MAPK8IP2: variants seen among roughly 807,000 people sequenced by gnomAD.
MAPK8IP2 encodes C-Jun-amino-terminal kinase-interacting protein 2.
Under a neutral mutation model 75.6 loss-of-function variants are expected in MAPK8IP2, and 15 were observed. The observed-to-expected ratio is 0.20, with a 90% confidence interval of 0.13 to 0.31. The LOEUF is 0.31. Ranked by LOEUF, MAPK8IP2 falls within the 10% of genes least tolerant of loss-of-function variation. The pLI is 1.00. For missense variants in MAPK8IP2, 1,089 were observed against 1,211.2 expected, an observed-to-expected ratio of 0.90 and a Z score of 1.50; for synonymous variants, 632 against 554.5, an observed-to-expected ratio of 1.14 and a Z score of -1.96.
chr22:50,604,767 G>GGGGGCA lies in MAPK8IP2; in HGVS notation c.1475_1480dup (p.Arg492_Gly493dup), dbSNP rs2071014794. 6 of 1,543,890 alleles carry GGGGGCA rather than the reference G, an allele frequency of 3.9e-6. No homozygotes were observed. Among genetic ancestry groups the GGGGGCA allele is most frequent in the Non-Finnish European group, 5.2e-6 (6 of 1,145,358 alleles). On this transcript the variant is annotated inframe_insertion, in exon 5 of 12. Transcript: ENST00000329492. Reference sequence around the variant, plus strand: ...TGCCGAGGACAGTGCGGGGTCCCCCGGGGGCAGGGGCACGGGCCCCTCGGC... The same window carrying GGGGGCA: ...TGCCGAGGACAGTGCGGGGTCCCCCGGGGGCAGGGGCAGGGGCACGGGCCCCTCGGC...
intron 9 of MAPK8IP2, 68 bp downstream of exon 9, chr22:50,606,833 C>A: frequency 1.3e-6 from 2 of 1,593,778 alleles, no homozygotes; most frequent in South Asian, 1.1e-5. Flanking sequence ...CCGACGGGGC[C>A]AGGCTGGCAG....
rs1276161141 is a variant in MAPK8IP2, at chr22:50,603,737, C to G, written c.541+18C>G. ...CCTCAGAGGTGAGGGGTGGTGGGCC[C>G]GCGGGGCGCGGGGAAGCGGGGGAGG... On this transcript the variant is annotated intron_variant, in intron 4 of 11. Transcript: ENST00000329492. The G allele has an allele frequency of 1.3e-6, 2 of 1,552,800 alleles. No individual in the cohort carries two copies. The highest frequency in any genetic ancestry group is 4.9e-5 in the East Asian group (2 of 41,150).
intron 10 of MAPK8IP2, among the ~76,000 whole-genome samples, chr22:50,608,816 G>C (rs2071096690): frequency 6.7e-6 from 1 of 148,334 alleles, no homozygotes; most frequent in Non-Finnish European, 1.5e-5. Context: ...GGGTCACTGG[G>C]ACAGCGGACG....
chr22:50,606,646 C>G lies in MAPK8IP2; in HGVS notation c.2125-12C>G, dbSNP rs757793182. ...TCCTCAAGACCCTCTTCTCCCCCAA[C>G]TTCTTCTGTAGATTGCCACTGCCCG... is the stretch of plus-strand genomic sequence containing the variant. On this transcript the variant is annotated splice_polypyrimidine_tract_variant and intron_variant, in intron 8 of 11. Transcript: ENST00000329492. The G allele has an allele frequency of 6.3e-7, 1 of 1,577,724 alleles. No individual in the cohort carries two copies.
rs1307956313 is a variant in MAPK8IP2, at chr22:50,604,677, G to C, written c.1378G>C (p.Gly460Arg). The C allele has an allele frequency of 3.9e-6, 6 of 1,523,536 alleles. No homozygotes were observed. The African/African-American group carries it at 8.4e-5, about 21-fold the overall frequency. The allele number at this position is 1,523,536 out of a possible 1,614,324, so 94.4% of individuals were successfully genotyped here. ...WAAPGRAARP[G>R]RACSAACSEE... The stretch of plus-strand genomic sequence containing the variant: ...CGCGCCCGGCCGCGCCGCCCGCCCG[G>C]GACGAGCCTGCTCCGCCGCCTGCTC... Residue 460 changes from glycine (G) to arginine (R), a missense_variant, in exon 5 of 12, where the codon GGA becomes CGA. Transcript: ENST00000329492.
rs986592572 is a variant in MAPK8IP2, at chr22:50,610,983, C to T, written c.*204C>T. On this transcript the variant is annotated 3_prime_UTR_variant, in exon 12 of 12. Transcript: ENST00000329492. The surrounding 1 kb of genome is among the most constrained non-coding windows in gnomAD (Gnocchi z 4.3). ...CTGCGGGGGAGTGGAGCCCCCGTGC[C>T]CCTGCTTTTCCTCAGATCCGTTCTT... 24 of 550,328 alleles carry T rather than the reference C, an allele frequency of 4.4e-5. No individual in the cohort carries two copies. The African/African-American group carries it at 4.4e-4, about 10-fold the overall frequency. The allele number at this position is 550,328 out of a possible 1,614,324, so 34.1% of individuals were successfully genotyped here.
chr22:50,605,189 C>T (rs41282363), intron 5 of MAPK8IP2, 125 bp downstream of exon 5: 52,198 of 1,207,080 alleles, frequency 0.043, 1,513 homozygotes, highest in African/African-American at 0.11. Context: ...GGGCTGGGTG[C>T]CCTCTCCCAC....
At chr22:50,602,603 C>G (rs528295283) in intron 2 of MAPK8IP2, among the ~76,000 whole-genome samples, 1 of 152,296 alleles carries the variant, frequency 6.6e-6, no homozygotes, top group South Asian at 2.1e-4. Context: ...GAAATGTCAA[C>G]CATGCCCTGA....
At chr22:50,606,857 G>T in intron 9 of MAPK8IP2, 64 bp from the exon 10 acceptor site, 2 of 1,592,264 alleles carry the variant, frequency 1.3e-6, no homozygotes, top group Admixed American at 1.7e-5. Context: ...TGTCCAGTAG[G>T]TGGGAGGCAG....
chr22:50,603,749 G>C, intron 4 of MAPK8IP2, 30 bp downstream of exon 4: 1 of 1,521,190 alleles, frequency 6.6e-7, no homozygotes, highest in Non-Finnish European at 8.9e-7. Context: ...CGGGGCGCGG[G>C]GAAGCGGGGG....
rs131734 is a variant in MAPK8IP2, at chr22:50,607,388, A to G, written c.2303+397A>G. On this transcript the variant is annotated intron_variant, in intron 10 of 11. Coordinates refer to ENST00000329492, the MANE Select transcript of MAPK8IP2 (RefSeq NM_012324.6). The surrounding 1 kb of genome is among the most constrained non-coding windows in gnomAD (Gnocchi z 5.6). Reference sequence around the variant, plus strand: ...GTGGGATGCACTGGTCGGGGGCTATATAGGCTCTGGGGCCCGCGTGTAAGG... The same window carrying G: ...GTGGGATGCACTGGTCGGGGGCTATGTAGGCTCTGGGGCCCGCGTGTAAGG... Among the ~76,000 whole-genome samples the G allele has an allele frequency of 0.31, 47,544 of 151,878 alleles. 7,807 individuals are homozygous for G. Among genetic ancestry groups the G allele is most frequent in the Non-Finnish European group, 0.37 (24,856 of 67,914 alleles).
rs202203236 is a variant in MAPK8IP2 at position 50,605,637 on chromosome 22, C to T, written c.1917C>T (p.Asp639=). 6.9e-4 allele frequency: 1,108 copies of T among 1,612,172 alleles called. No homozygotes were observed. Among genetic ancestry groups the T allele is most frequent in the Admixed American group, 9.9e-4 (59 of 59,812 alleles). The stretch of plus-strand genomic sequence containing the variant: ...TGTTGGTGGAGGCCGAGGAGGACGA[C>T]TTCTGGTTCCGTGGCTTCAACATGC... ...DPVLVEAEED[D]FWFRGFNMRT... is the part of the protein sequence containing the mutation. The change falls in exon 7 of 12, where the codon GAC becomes GAT. Residue 639 remains aspartate, a synonymous_variant. Transcript: ENST00000329492.
At position 50,605,437 on chromosome 22, in the gene MAPK8IP2, T is replaced by C. The variant is rs745692774; in HGVS notation, c.1835T>C (p.Val612Ala). The part of the protein sequence containing the change: ...GEEREQTHRA[V>A]FRFIPRHPDE... Reference sequence around the variant, plus strand: ...GAGCGAGAGCAGACTCACCGGGCTGTGTTCAGGTACGGCCTCCCTCCTTGC... The same window carrying C: ...GAGCGAGAGCAGACTCACCGGGCTGCGTTCAGGTACGGCCTCCCTCCTTGC... The change falls in exon 6 of 12, where the codon GTG becomes GCG. Residue 612 changes from valine (V) to alanine (A), a missense_variant. By Grantham distance (64) the Val-to-Ala change is moderately conservative (BLOSUM62 0). Around this residue, in one of 2 missense-constraint regions of MAPK8IP2, gnomAD observed 960 missense variants for 1,009.6 expected, o/e 0.95. Coordinates refer to ENST00000329492, the MANE Select transcript of MAPK8IP2 (RefSeq NM_012324.6). 4.3e-6 allele frequency: 7 copies of C among 1,613,586 alleles called. No homozygotes were observed. The highest frequency in any genetic ancestry group is 1.3e-5 in the African/African-American group (1 of 75,038).
Position 50,612,601 on chromosome 22 carries a change from G to C in MAPK8IP2, c.*1822G>C, listed in dbSNP as rs533088548. 2 of 152,366 alleles carry C rather than the reference G, an allele frequency of 1.3e-5. No individual in the cohort carries two copies. The highest frequency in any genetic ancestry group is 2.9e-5 in the Non-Finnish European group (2 of 68,080). 9.4% of individuals were successfully genotyped at this position (152,366 alleles called of 1,614,324 possible). On this transcript the variant is annotated 3_prime_UTR_variant, in exon 12 of 12. Transcript: ENST00000329492. ...ACAGACCTGAGGCCCCAGAGAGACC[G>C]AGGACGCAGACCAGTGGCACGACGG...
intron 10 of MAPK8IP2, among the ~76,000 whole-genome samples, chr22:50,608,106 G>A (rs528088359): frequency 2.6e-5 from 4 of 152,346 alleles, no homozygotes; most frequent in South Asian, 2.1e-4. Context: ...TGGGACAGAC[G>A]TCAGTGCATC....
rs1011925670 is a variant in MAPK8IP2, at chr22:50,603,688, G to T, written c.510G>T (p.Ala170=). 2 of 1,584,408 alleles carry T rather than the reference G, an allele frequency of 1.3e-6. No individual in the cohort carries two copies. The highest frequency in any genetic ancestry group is 2.7e-5 in the African/African-American group (2 of 74,236). Residue 170 remains alanine, a synonymous_variant, in exon 4 of 12, where the codon GCG becomes GCT. Transcript: ENST00000329492. Reference sequence around the variant, plus strand: ...GTCCGGCCTCCTGGCAGGAGACAGCGCTATGCTCACCCGCCCCGGAGGCCC... The same window carrying T: ...GTCCGGCCTCCTGGCAGGAGACAGCTCTATGCTCACCCGCCCCGGAGGCCC... ...LVRPASWQET[A]LCSPAPEALR... is the part of the protein sequence containing the mutation.
Position 50,603,636 on chromosome 22 carries a change from A to G in MAPK8IP2, c.458A>G (p.Asn153Ser), listed in dbSNP as rs779408666. The G allele has an allele frequency of 6.3e-7, 1 of 1,594,554 alleles. No homozygotes were observed. Among genetic ancestry groups the G allele is most frequent in the Non-Finnish European group, 8.5e-7 (1 of 1,171,046 alleles). ...GTATCTCCACCCCAGGACTCCCTAA[A>G]CAACAACGGAGGCTTTGACCTGGTG... ...LTTLGAQDSL[N>S]NNGGFDLVRP... The change falls in exon 4 of 12, where the codon AAC becomes AGC. Residue 153 changes from asparagine (N) to serine (S), a missense_variant. Physicochemically the swap from Asn to Ser is conservative, Grantham distance 46. Coordinates refer to ENST00000329492, the MANE Select transcript of MAPK8IP2 (RefSeq NM_012324.6).
At position 50,604,062 on chromosome 22, in the gene MAPK8IP2, G is replaced by T. The variant is rs768454362; in HGVS notation, c.763G>T (p.Asp255Tyr). 6.5e-7 allele frequency: 1 copy of T among 1,542,760 alleles called. No individual in the cohort carries two copies. The highest frequency in any genetic ancestry group is 2.5e-5 in the East Asian group (1 of 40,778). ...SSQELSSPGS[D>Y]SEDAGGARLG... ...CCAGGAGCTGTCCTCGCCCGGCTCC[G>T]ACTCGGAGGACGCGGGCGGCGCGCG... is the stretch of plus-strand genomic sequence containing the variant. Residue 255 changes from aspartate to tyrosine, a missense_variant, in exon 5 of 12, where the codon GAC becomes TAC. This residue lies in a region of MAPK8IP2 where 960 missense variants were observed against 1,009.6 expected (regional missense o/e 0.95). Transcript: ENST00000329492.
Position 50,610,456 on chromosome 22 carries a change from G to A in MAPK8IP2, c.2402+146G>A. ...TGCTGTGTAGAGAGGGCAGTGGTGG[G>A]TGACAGTTTGGGGTGCTGGGCATGG... On this transcript the variant is annotated intron_variant, in intron 11 of 11. Coordinates refer to ENST00000329492, the MANE Select transcript of MAPK8IP2 (RefSeq NM_012324.6). This position sits in a 1 kb window ranked among gnomAD's most constrained non-coding sequence, Gnocchi z 4.3. 1 of 771,960 alleles carries A rather than the reference G, an allele frequency of 1.3e-6. No homozygotes were observed. Among genetic ancestry groups the A allele is most frequent in the Non-Finnish European group, 2.2e-6 (1 of 464,112 alleles). The allele number at this position is 771,960 out of a possible 1,614,324, so 47.8% of individuals were successfully genotyped here.
Sources: allele counts gnomAD v4.1 joint callset (sites outside exome capture counted in the v4.1 genomes callset), GRCh38; gene constraint gnomAD v4.1.1; regional missense constraint gnomAD v4.1.1; non-coding constraint Gnocchi (gnomAD v3.1); transcripts MANE v1.5; gene names NCBI Gene and HGNC (gene_info 2026-07-23, HGNC 2026-07-21).